Variants in HLA-G observed in about 807,000 individuals in gnomAD.
The protein encoded by HLA-G is major histocompatibility complex, class I, G, also known as HLA class I histocompatibility antigen, alpha chain G.
HLA-G carries 34 observed loss-of-function variants against 39.3 expected under a neutral mutation model. The observed-to-expected ratio is 0.86, with a 90% CI of 0.66 to 1.15. The LOEUF (loss-of-function observed/expected upper bound fraction) is 1.15, where lower values mean the gene tolerates loss of function less well. Ranked by LOEUF, HLA-G falls within the 50% of genes most tolerant of loss-of-function variation. The pLI is 0.00. For missense variants in HLA-G, 419 were observed against 456.4 expected (o/e 0.92, Z 0.75); for synonymous variants, 183 against 185.8 (o/e 0.99, Z 0.12).
intron 6 of HLA-G, 51 bp downstream of exon 6, chr6:29,830,461 G>T: frequency 2.0e-6 from 3 of 1,520,586 alleles, no homozygotes; most frequent in Non-Finnish European, 9.1e-7. Flanking sequence ...TTGTGTTTGG[G>T]AGCCCATGGG....
At chr6:29,828,379 G>T (rs1052344302) in intron 2 of HLA-G, 63 bp downstream of exon 2, 1 of 1,561,916 alleles carries the variant, frequency 6.4e-7, no homozygotes, top group African/African-American at 1.4e-5. Flanking sequence ...CGGACGGCCC[G>T]GGTACTCCCG....
rs1280781864 is a variant in HLA-G at position 29,829,557 on chromosome 6, G to A, written c.759G>A (p.Glu253=). 27 of 1,613,982 alleles carry A rather than the reference G, an allele frequency of 1.7e-5. No individual in the cohort carries two copies. The highest frequency in any genetic ancestry group is 2.2e-5 in the Non-Finnish European group (26 of 1,179,980). The change falls in exon 4 of 7, where the codon GAG becomes GAA. Residue 253 remains glutamate, a synonymous_variant. Coordinates refer to ENST00000360323, the MANE Select transcript of HLA-G (RefSeq NM_001384290.1). Reference sequence around the variant, plus strand: ...GGGAGGACCAGACCCAGGACGTGGAGCTCGTGGAGACCAGGCCTGCAGGGG... The same window carrying A: ...GGGAGGACCAGACCCAGGACGTGGAACTCGTGGAGACCAGGCCTGCAGGGG... ...RDGEDQTQDV[E]LVETRPAGDG... is the part of the protein sequence containing the mutation.
upstream of HLA-G, chr6:29,827,471 G>C: frequency 5.5e-6 from 2 of 361,078 alleles, no homozygotes; most frequent in South Asian, 4.4e-5. Context: ...AGTGAAGGGA[G>C]AGGGCCAGGG....
rs1484591795 is a variant in HLA-G at position 29,828,122 on chromosome 6, G to A, written c.149G>A (p.Gly50Asp). The change falls in exon 2 of 7, where the codon GGC (glycine) becomes GAC (aspartate). Residue 50 changes from glycine (G) to aspartate (D), a missense_variant. Physicochemically the swap from Gly to Asp is moderately conservative, Grantham distance 94. This residue lies in a region of HLA-G where 91 missense variants were observed against 133.4 expected (regional missense o/e 0.68). Transcript: ENST00000360323. ...GRGEPRFIAM[G>D]YVDDTQFVRF... ...GGGGAGCCCCGCTTCATCGCCATGG[G>A]CTACGTGGACGACACGCAGTTCGTG... is the stretch of plus-strand genomic sequence containing the variant. 2 of 1,613,134 alleles carry A rather than the reference G, an allele frequency of 1.2e-6. No homozygotes were observed. The highest frequency in any genetic ancestry group is 2.2e-5 in the South Asian group (2 of 91,078).
In HLA-G at chr6:29,829,725, T is replaced by G. The variant is rs1581668804; in HGVS notation, c.895+32T>G. The G allele has an allele frequency of 1.4e-5, 23 of 1,608,970 alleles. No individual in the cohort carries two copies. The East Asian group carries it at 5.1e-4, about 36-fold the overall frequency. ...AGGGAGATGGAGGCATCATGTCTGTTAGGGAAAGCAGGAGCCTCTCTGAAG... is the reference window on the plus strand; with the variant it reads ...AGGGAGATGGAGGCATCATGTCTGTGAGGGAAAGCAGGAGCCTCTCTGAAG... On this transcript the variant is annotated intron_variant, in intron 4 of 6. Coordinates refer to ENST00000360323, the MANE Select transcript of HLA-G (RefSeq NM_001384290.1).
intron 3 of HLA-G, 57 bp downstream of exon 3, chr6:29,828,875 A>G: frequency 6.2e-7 from 1 of 1,606,004 alleles, no homozygotes; most frequent in Non-Finnish European, 8.5e-7. Context: ...AGCCTGGCCT[A>G]GCACAAGGAG....
chr6:29,828,035 C>T lies in HLA-G; in HGVS notation c.74-12C>T, dbSNP rs1760837779. 4.4e-6 allele frequency: 7 copies of T among 1,609,058 alleles called. No homozygotes were observed. Among genetic ancestry groups the T allele is most frequent in the Non-Finnish European group, 5.9e-6 (7 of 1,178,348 alleles). ...GAGGGTCGGGCGGGTCTCAACCCCTCCTCGCCCCCAGGCTCCCACTCCATG... is the reference window on the plus strand; with the variant it reads ...GAGGGTCGGGCGGGTCTCAACCCCTTCTCGCCCCCAGGCTCCCACTCCATG... On this transcript the variant is annotated splice_polypyrimidine_tract_variant and intron_variant, in intron 1 of 6. Transcript: ENST00000360323.
upstream of HLA-G, among the ~76,000 whole-genome samples, chr6:29,826,590 G>T (rs1161847833): frequency 6.6e-6 from 1 of 152,196 alleles, no homozygotes; most frequent in Non-Finnish European, 1.5e-5. Flanking sequence ...GGGCCTGAGG[G>T]ATGAGAGGGA....
Position 29,828,208 on chromosome 6 carries a change from G to A in HLA-G, c.235G>A (p.Glu79Lys). ...MEPRAPWVEQEGPEYWEEETR... is the reference protein window; with the variant it reads ...MEPRAPWVEQKGPEYWEEETR... Reference sequence around the variant, plus strand: ...GCCGCGGGCGCCGTGGGTGGAGCAGGAGGGGCCGGAGTATTGGGAAGAGGA... The same window carrying A: ...GCCGCGGGCGCCGTGGGTGGAGCAGAAGGGGCCGGAGTATTGGGAAGAGGA... Residue 79 changes from glutamate (E) to lysine (K), a missense_variant, in exon 2 of 7, where the codon GAG becomes AAG. By Grantham distance (56) the Glu-to-Lys change is moderately conservative. Transcript: ENST00000360323. 6.2e-7 allele frequency: 1 copy of A among 1,613,620 alleles called. No homozygotes were observed.
At chr6:29,830,253 C>A in intron 5 of HLA-G, 125 bp from the exon 6 acceptor site, 4 of 1,091,696 alleles carry the variant, frequency 3.7e-6, no homozygotes, top group South Asian at 1.3e-5. Flanking sequence ...TTTTCCTGAT[C>A]CCGCCCTGGG....
chr6:29,829,774 G>A, intron 4 of HLA-G, 42 bp from the exon 5 acceptor site: 1 of 1,604,186 alleles, frequency 6.2e-7, no homozygotes, highest in Non-Finnish European at 8.5e-7. Flanking sequence ...TCGGTGGTGA[G>A]GGCTGGGGGT....
At position 29,829,424 on chromosome 6, in the gene HLA-G, C is replaced by A; in HGVS notation, c.626C>A (p.Pro209His). The stretch of plus-strand genomic sequence containing the variant: ...TTCTGACTCTTCCTTTCAGACCCCC[C>A]CAAGACACACGTGACCCACCACCCT... ...GKEMLQRADP[P>H]KTHVTHHPVF... Residue 209 changes from proline (P) to histidine (H), a missense_variant, in exon 4 of 7, where the codon CCC becomes CAC. Pro to His is a moderately conservative substitution (Grantham distance 77). Coordinates refer to ENST00000360323, the MANE Select transcript of HLA-G (RefSeq NM_001384290.1). The A allele has an allele frequency of 6.2e-7, 1 of 1,613,654 alleles. No homozygotes were observed. Among genetic ancestry groups the A allele is most frequent in the Non-Finnish European group, 8.5e-7 (1 of 1,179,680 alleles).
Position 29,828,581 on chromosome 6 carries a change from G to C in HLA-G, c.382G>C (p.Gly128Arg). 1 of 1,613,046 alleles carries C rather than the reference G, an allele frequency of 6.2e-7. No homozygotes were observed. The highest frequency in any genetic ancestry group is 8.5e-7 in the Non-Finnish European group (1 of 1,179,970). Residue 128 changes from glycine to arginine, a missense_variant, in exon 3 of 7, where the codon GGG becomes CGG. Physicochemically the swap from Gly to Arg is moderately radical, Grantham distance 125. Transcript: ENST00000360323. ...CCAGTGGATGATTGGCTGCGACCTG[G>C]GGTCCGACGGACGCCTCCTCCGCGG... Reference protein sequence around the residue: ...TLQWMIGCDLGSDGRLLRGYE... With the variant: ...TLQWMIGCDLRSDGRLLRGYE...
At chr6:29,828,459 AG>A (rs1554266318) in intron 2 of HLA-G, 83 bp from the exon 3 acceptor site, 1 of 1,451,590 alleles carries the variant, frequency 6.9e-7, no homozygotes, top group African/African-American at 2.4e-5. Context: ...GAGAACCCCA[AG>A]GCGCCTTTAC....
chr6:29,828,363 GC>G (rs1760889143), intron 2 of HLA-G, 47 bp downstream of exon 2: 1 of 1,579,330 alleles, frequency 6.3e-7, no homozygotes, highest in African/African-American at 1.3e-5. Flanking sequence ...CCACCTCCAT[GC>G]CCCACGGACG....
rs76011433 is a variant in HLA-G, at chr6:29,828,570, G to A, written c.371G>A (p.Gly124Asp). 9.7e-5 allele frequency: 157 copies of A among 1,612,980 alleles called. No individual in the cohort carries two copies. The African/African-American group carries it at 1.9e-3, about 20-fold the overall frequency. Residue 124 changes from glycine (G) to aspartate (D), a missense_variant, in exon 3 of 7, where the codon GGC (glycine) becomes GAC (aspartate). Gly to Asp is a moderately conservative substitution (Grantham distance 94). Transcript: ENST00000360323. The part of the protein sequence containing the change: ...ASSHTLQWMI[G>D]CDLGSDGRLL... Reference sequence around the variant, plus strand: ...TCTCACACCCTCCAGTGGATGATTGGCTGCGACCTGGGGTCCGACGGACGC... The same window carrying A: ...TCTCACACCCTCCAGTGGATGATTGACTGCGACCTGGGGTCCGACGGACGC...
At chr6:29,827,972 C>T in intron 1 of HLA-G, 55 bp downstream of exon 1, 7 of 1,588,198 alleles carry the variant, frequency 4.4e-6, no homozygotes, top group South Asian at 1.2e-5. Flanking sequence ...GAGGGGCCGG[C>T]CCGGCGGGGG....
At chr6:29,827,362 A>G (rs149890776), upstream of HLA-G, 5,592 of 349,874 alleles carry the variant, frequency 0.016, 139 homozygotes, top group African/African-American at 0.065. Context: ...TCTGGCAACA[A>G]GCTCCCTGGG....
chr6:29,828,393 C>T, intron 2 of HLA-G, 77 bp downstream of exon 2: 1 of 1,557,654 alleles, frequency 6.4e-7, no homozygotes. Flanking sequence ...ACTCCCGAGT[C>T]TCCGGGTCTG....
Sources: allele counts gnomAD v4.1 joint callset (sites outside exome capture counted in the v4.1 genomes callset), GRCh38; gene constraint gnomAD v4.1.1; regional missense constraint gnomAD v4.1.1; transcripts MANE v1.5; gene names NCBI Gene and HGNC (gene_info 2026-07-23, HGNC 2026-07-21).